The following ARSB variants were observed in gnomAD, a reference collection of about 807,000 sequenced individuals.
ARSB encodes the protein N-acetylgalactosamine-4-sulfatase.
ARSB carries 41 observed loss-of-function variants against 50.9 expected under a neutral mutation model. The ratio of observed to expected loss-of-function variants is 0.81; its 90% CI spans 0.63 to 1.04. The LOEUF (loss-of-function observed/expected upper bound fraction) is 1.04. Among genes scored for constraint, ARSB ranks in the 50% least tolerant of loss-of-function variants. ARSB has a pLI of 0.00. For missense variants in ARSB, 672 were observed against 693.3 expected (o/e 0.97, Z 0.35); for synonymous variants, 269 against 284.8 (o/e 0.94, Z 0.56).
chr5:78,861,114 A>C (rs1012545549), intron 5 of ARSB, among the ~76,000 whole-genome samples: 1 of 152,170 alleles, frequency 6.6e-6, no homozygotes, highest in Non-Finnish European at 1.5e-5. Context: ...TTGAGGCAAT[A>C]AATTAATAGC....
intron 6 of ARSB, among the ~76,000 whole-genome samples, chr5:78,819,280 A>G (rs1744120444): frequency 6.6e-6 from 1 of 152,244 alleles, no homozygotes; most frequent in Non-Finnish European, 1.5e-5. Flanking sequence ...CCCATCCCTC[A>G]GCCAGCAGCA....
intron 6 of ARSB, among the ~76,000 whole-genome samples, chr5:78,797,660 T>C (rs1393814686): frequency 6.6e-6 from 1 of 152,194 alleles, no homozygotes; most frequent in Non-Finnish European, 1.5e-5. Context: ...GCTGCCCCCG[T>C]GAGCCATCCT....
chr5:78,859,036 G>A (rs1005116045), intron 5 of ARSB, among the ~76,000 whole-genome samples: 2 of 152,160 alleles, frequency 1.3e-5, no homozygotes, highest in South Asian at 2.1e-4. Context: ...TAATCAAAAA[G>A]TACCGATTTT....
intron 6 of ARSB, among the ~76,000 whole-genome samples, chr5:78,808,253 T>C (rs949856792): frequency 6.6e-6 from 1 of 151,968 alleles, no homozygotes; most frequent in Non-Finnish European, 1.5e-5. Flanking sequence ...CCCATATTAT[T>C]TCCAAGCAAA....
chr5:78,971,048 G>A (rs1404913989), intron 1 of ARSB, among the ~76,000 whole-genome samples: 1 of 152,140 alleles, frequency 6.6e-6, no homozygotes, highest in Non-Finnish European at 1.5e-5. Context: ...AGTGAGACTT[G>A]GAGAAATCCG....
intron 1 of ARSB, among the ~76,000 whole-genome samples, chr5:78,973,942 A>G (rs1191316005): frequency 1.3e-5 from 2 of 152,048 alleles, no homozygotes; most frequent in East Asian, 1.9e-4. Flanking sequence ...GGGCCACTCT[A>G]CCCCTCCACC....
intron 4 of ARSB, among the ~76,000 whole-genome samples, chr5:78,905,840 T>C (rs1749035985): frequency 6.7e-6 from 1 of 149,060 alleles, no homozygotes; most frequent in Admixed American, 6.8e-5. Flanking sequence ...AACAGGTTTC[T>C]GTTAGGTTGT....
intron 4 of ARSB, among the ~76,000 whole-genome samples, chr5:78,927,923 C>G (rs796110347): frequency 4.6e-5 from 7 of 152,312 alleles, no homozygotes; most frequent in African/African-American, 1.7e-4. Flanking sequence ...ATTGAAGACT[C>G]AAGAAATGCC....
intron 4 of ARSB, among the ~76,000 whole-genome samples, chr5:78,942,958 G>T (rs1751013411): frequency 6.6e-6 from 1 of 152,126 alleles, no homozygotes; most frequent in Admixed American, 6.5e-5. Context: ...ATGAATCTGG[G>T]TGCTCCTGTA....
chr5:78,955,520 G>A lies in ARSB; in HGVS notation c.691-18C>T. 1 of 1,604,588 alleles carries A rather than the reference G, an allele frequency of 6.2e-7. No individual in the cohort carries two copies. Among genetic ancestry groups the A allele is most frequent in the Non-Finnish European group, 8.5e-7 (1 of 1,171,688 alleles). ...AACAGAGGCTGGAAAGAAAGTTTGT[G>A]CAAACCAGTTAAGAGGATATTGAAG... On this transcript the variant is annotated intron_variant, in intron 3 of 7. Transcript: ENST00000264914.
At chr5:78,810,777 GT>G (rs1743778452) in intron 6 of ARSB, among the ~76,000 whole-genome samples, 1 of 152,210 alleles carries the variant, frequency 6.6e-6, no homozygotes, top group Non-Finnish European at 1.5e-5. Flanking sequence ...TGCTTTGGGA[GT>G]TTCAGGAACT....
chr5:78,849,337 G>T (rs1182511542), intron 5 of ARSB, among the ~76,000 whole-genome samples: 2 of 152,124 alleles, frequency 1.3e-5, no homozygotes, highest in African/African-American at 4.8e-5. Context: ...TTTCCCCATT[G>T]CTTGTTTTTC....
At position 78,777,865 on chromosome 5, in the gene ARSB, AAAAAAATT is replaced by A. The variant is rs1480046560; in HGVS notation, c.*2524_*2531del. The A allele has an allele frequency of 5.3e-5, 8 of 151,940 alleles. No homozygotes were observed. Among genetic ancestry groups the A allele is most frequent in the African/African-American group, 1.9e-4 (8 of 41,324 alleles). 9.4% of individuals were successfully genotyped at this position (151,940 alleles called of 1,614,324 possible). On this transcript the variant is annotated 3_prime_UTR_variant, in exon 8 of 8. Coordinates refer to ENST00000264914, the MANE Select transcript of ARSB (RefSeq NM_000046.5). ...AGACTCCATCTCAAAAAAAAAAAAA[AAAAAAATT>A]GGAAAGAAATAACATTATTTCTAAC...
intron 1 of ARSB, among the ~76,000 whole-genome samples, chr5:78,978,923 T>C (rs1390638963): frequency 6.6e-6 from 1 of 152,182 alleles, no homozygotes; most frequent in East Asian, 1.9e-4. Flanking sequence ...GATTAGAAAA[T>C]GGTTTCTTAG....
At chr5:78,878,884 T>A (rs886928138) in intron 5 of ARSB, among the ~76,000 whole-genome samples, 1 of 151,992 alleles carries the variant, frequency 6.6e-6, no homozygotes, top group Non-Finnish European at 1.5e-5. Flanking sequence ...AACAGGATCT[T>A]GCTCTGTTGC....
At chr5:78,897,703 G>A (rs1232245269) in intron 4 of ARSB, among the ~76,000 whole-genome samples, 2 of 151,918 alleles carry the variant, frequency 1.3e-5, no homozygotes, top group African/African-American at 2.4e-5. Flanking sequence ...GGTAAGTAAG[G>A]ACTCAGATAT....
chr5:78,856,290 T>C (rs1746138520), intron 5 of ARSB, among the ~76,000 whole-genome samples: 1 of 152,208 alleles, frequency 6.6e-6, no homozygotes, highest in East Asian at 1.9e-4. Context: ...TTCTAAATTC[T>C]TGATTTTGTT....
At chr5:78,817,629 T>C (rs1229250934) in intron 6 of ARSB, among the ~76,000 whole-genome samples, 1 of 151,796 alleles carries the variant, frequency 6.6e-6, no homozygotes, top group African/African-American at 2.4e-5. Flanking sequence ...ACCAATATGG[T>C]GAAACCACCT....
At chr5:78,917,308 CA>C (rs1418382404) in intron 4 of ARSB, among the ~76,000 whole-genome samples, 2 of 152,166 alleles carry the variant, frequency 1.3e-5, no homozygotes, top group Admixed American at 6.5e-5. Context: ...GCATAAAGCA[CA>C]AAGGAACGTC....
Sources: allele counts gnomAD v4.1 joint callset (sites outside exome capture counted in the v4.1 genomes callset), GRCh38; gene constraint gnomAD v4.1.1; transcripts MANE v1.5; gene names NCBI Gene and HGNC (gene_info 2026-07-23, HGNC 2026-07-21).